C1orf87: variants seen among roughly 807,000 people sequenced by gnomAD.
C1orf87 encodes the protein chromosome 1 open reading frame 87.
A neutral mutation model predicts 60.5 loss-of-function variants in C1orf87; 58 were observed. The ratio of observed to expected loss-of-function variants is 0.96; its 90% CI spans 0.78 to 1.19. The LOEUF (loss-of-function observed/expected upper bound fraction) is 1.19, where lower values mean the gene tolerates loss of function less well. C1orf87 is among the 50% of genes most tolerant of loss of function. C1orf87 has a pLI of 0.00. For missense variants in C1orf87, 673 were observed against 638.6 expected (o/e 1.05, Z -0.58); for synonymous variants, 236 against 227.4 (o/e 1.04, Z -0.34).
chr1:60,039,820 T>C lies in C1orf87; in HGVS notation c.747+97A>G. On this transcript the variant is annotated intron_variant, in intron 5 of 11. Transcript: ENST00000371201. Reference sequence around the variant, plus strand: ...CTCAGTAGTCAGGGATAAAAGTTATTTGCAAGAAAGTAGCTAACTTCTTAG... The same window carrying C: ...CTCAGTAGTCAGGGATAAAAGTTATCTGCAAGAAAGTAGCTAACTTCTTAG... The C allele has an allele frequency of 6.7e-6, 9 of 1,347,038 alleles. No individual in the cohort carries two copies. In the South Asian group the frequency reaches 1.1e-4, roughly 17 times the overall value. 83.4% of individuals were successfully genotyped at this position (1,347,038 alleles called of 1,614,324 possible). A position where few individuals can be genotyped will look rare whatever the true frequency, so the allele number is the denominator to read the frequency against.
chr1:60,046,549 C>T (rs907270329), intron 3 of C1orf87, among the ~76,000 whole-genome samples: 1 of 151,290 alleles, frequency 6.6e-6, no homozygotes, highest in African/African-American at 2.4e-5. Flanking sequence ...AAGCAATCCC[C>T]TGTCTCAGCC....
Position 60,033,478 on chromosome 1 carries a change from T to C in C1orf87, c.1027A>G (p.Lys343Glu), listed in dbSNP as rs1645253492. The C allele has an allele frequency of 3.7e-6, 6 of 1,613,046 alleles. No homozygotes were observed. The highest frequency in any genetic ancestry group is 5.1e-6 in the Non-Finnish European group (6 of 1,179,512). ...RSFSGCLPLP[K>E]VRAICGKHGL... ...ATCTGAAATTGAATTTTGGTTACCTTAGGTAGAGGGAGGCAGCCAGAGAAC... is the reference window on the plus strand; with the variant it reads ...ATCTGAAATTGAATTTTGGTTACCTCAGGTAGAGGGAGGCAGCCAGAGAAC... The change falls in exon 7 of 12, where the codon AAG (lysine) becomes GAG (glutamate). Residue 343 changes from lysine (K) to glutamate (E), a missense_variant and splice_region_variant. Coordinates refer to ENST00000371201, the MANE Select transcript of C1orf87 (RefSeq NM_152377.3).
At chr1:60,016,411 T>A (rs1180816559) in intron 8 of C1orf87, among the ~76,000 whole-genome samples, 3 of 152,216 alleles carry the variant, frequency 2.0e-5, no homozygotes, top group East Asian at 1.9e-4. Context: ...ACTGAGACAC[T>A]CATTCACTTG....
At position 60,005,727 on chromosome 1, in the gene C1orf87, G is replaced by A. The variant is rs187189213; in HGVS notation, c.1193-4571C>T. ...GAGAAATGGGTGAAGTGTTCACAGG[G>A]CTAAAAGGCCCCATGGGCCACACCA... On this transcript the variant is annotated intron_variant, in intron 9 of 11. Coordinates refer to ENST00000371201, the MANE Select transcript of C1orf87 (RefSeq NM_152377.3). 1.7e-3 allele frequency among the ~76,000 whole-genome samples: 264 copies of A among 151,880 alleles called. 1 individual carries two copies. Among genetic ancestry groups the A allele is most frequent in the Admixed American group, 4.1e-3 (62 of 15,248 alleles).
At chr1:59,998,648 A>G (rs1035410135) in intron 10 of C1orf87, among the ~76,000 whole-genome samples, 2 of 152,144 alleles carry the variant, frequency 1.3e-5, no homozygotes, top group African/African-American at 4.8e-5. Flanking sequence ...AGGACTGGGC[A>G]TCTAATACAA....
At chr1:60,043,146 G>A (rs575927603) in intron 3 of C1orf87, among the ~76,000 whole-genome samples, 1 of 152,280 alleles carries the variant, frequency 6.6e-6, no homozygotes, top group South Asian at 2.1e-4. Context: ...TTTTGGAAAA[G>A]GCAAAAGATA....
intron 8 of C1orf87, among the ~76,000 whole-genome samples, chr1:60,013,908 T>A (rs1205592945): frequency 6.6e-6 from 1 of 152,110 alleles, no homozygotes; most frequent in African/African-American, 2.4e-5. Context: ...TTGTTGTATA[T>A]CACATACCCC....
chr1:60,071,144 A>G (rs1458073036), intron 2 of C1orf87, among the ~76,000 whole-genome samples: 1 of 152,212 alleles, frequency 6.6e-6, no homozygotes, highest in Non-Finnish European at 1.5e-5. Context: ...GGCATAGAAT[A>G]TAAAAGGGAC....
chr1:60,027,193 C>T (rs1439891112), intron 7 of C1orf87, among the ~76,000 whole-genome samples: 1 of 152,164 alleles, frequency 6.6e-6, no homozygotes, highest in African/African-American at 2.4e-5. Context: ...GAGAGACTGC[C>T]CTTCCTGAAG....
chr1:60,049,677 T>C (rs1237512592), intron 3 of C1orf87, among the ~76,000 whole-genome samples: 1 of 152,126 alleles, frequency 6.6e-6, no homozygotes. Context: ...TTATCCCAGA[T>C]GATAGAAGAA....
intron 6 of C1orf87, among the ~76,000 whole-genome samples, chr1:60,035,057 T>C (rs1369920601): frequency 6.6e-6 from 1 of 152,214 alleles, no homozygotes; most frequent in Non-Finnish European, 1.5e-5. Context: ...CGTGCATTTA[T>C]TTTGGTCACC....
chr1:60,063,471 G>T (rs1334035393), intron 2 of C1orf87, among the ~76,000 whole-genome samples: 1 of 152,142 alleles, frequency 6.6e-6, no homozygotes, highest in Non-Finnish European at 1.5e-5. Context: ...GAGCAGCACT[G>T]CTCTCAATTT....
rs75570153 is a variant in C1orf87 at position 60,024,673 on chromosome 1, A to G, written c.1127+728T>C. Among the ~76,000 whole-genome samples, 832 of 152,150 alleles carry G rather than the reference A, an allele frequency of 5.5e-3. 3 individuals are homozygous for G. The highest frequency in any genetic ancestry group is 9.3e-3 in the Non-Finnish European group (634 of 67,984). Reference sequence around the variant, plus strand: ...TTGAACTCGAAACTCTGTCCCTTTAACTCAGGGAGAATGCTGGGCTCTGCC... The same window carrying G: ...TTGAACTCGAAACTCTGTCCCTTTAGCTCAGGGAGAATGCTGGGCTCTGCC... On this transcript the variant is annotated intron_variant, in intron 8 of 11. Transcript: ENST00000371201.
intron 2 of C1orf87, among the ~76,000 whole-genome samples, chr1:60,064,158 G>C (rs970051696): frequency 2.0e-5 from 3 of 146,828 alleles, no homozygotes; most frequent in South Asian, 2.2e-4. Context: ...TTGGGACTCA[G>C]ACTGGCTCTC....
intron 2 of C1orf87, among the ~76,000 whole-genome samples, chr1:60,064,106 A>T (rs1473393974): frequency 6.6e-6 from 1 of 151,522 alleles, no homozygotes; most frequent in African/African-American, 2.4e-5. Context: ...CCTGTGCTGG[A>T]TGCTTCCTGA....
intron 11 of C1orf87, among the ~76,000 whole-genome samples, chr1:59,993,262 A>C (rs185933274): frequency 5.3e-4 from 81 of 152,164 alleles, no homozygotes; most frequent in African/African-American, 1.9e-3. Flanking sequence ...ATACATAAAT[A>C]AATGTCAAAA....
At chr1:60,024,403 G>A (rs1006496122) in intron 8 of C1orf87, among the ~76,000 whole-genome samples, 1 of 152,122 alleles carries the variant, frequency 6.6e-6, no homozygotes. Context: ...TGTGTTACGA[G>A]GTCTGCCTCA....
At position 60,061,776 on chromosome 1, in the gene C1orf87, CAA is replaced by C. The variant is rs57844722; in HGVS notation, c.108-6340_108-6339del. ...CAACATGGCCAAACCCCATCTCTAC[CAA>C]AAAAAAAAAAAAAAAAAAAAAAAAT... On this transcript the variant is annotated intron_variant, in intron 2 of 11. Coordinates refer to ENST00000371201, the MANE Select transcript of C1orf87 (RefSeq NM_152377.3). Among the ~76,000 whole-genome samples the C allele has an allele frequency of 2.3e-4, 12 of 53,154 alleles. 1 individual carries two copies. Among genetic ancestry groups the C allele is most frequent in the Admixed American group, 8.0e-4 (3 of 3,758 alleles). 34.9% of individuals were successfully genotyped at this position (53,154 alleles called of 152,430 possible).
At chr1:60,005,216 A>T (rs1326428693) in intron 9 of C1orf87, among the ~76,000 whole-genome samples, 1 of 152,126 alleles carries the variant, frequency 6.6e-6, no homozygotes, top group Admixed American at 6.6e-5. Flanking sequence ...CATTTGACAG[A>T]TGAGGAAACT....
Sources: allele counts gnomAD v4.1 joint callset (sites outside exome capture counted in the v4.1 genomes callset), GRCh38; gene constraint gnomAD v4.1.1; transcripts MANE v1.5; gene names NCBI Gene and HGNC (gene_info 2026-07-23, HGNC 2026-07-21).